KREMEN1: variants seen among roughly 807,000 people sequenced by gnomAD.
KREMEN1 encodes the protein kremen protein 1.
KREMEN1 carries 30 observed loss-of-function variants against 46.5 expected under a neutral mutation model. The observed-to-expected ratio is 0.65, with a 90% CI of 0.48 to 0.88. The LOEUF is 0.88. Ranked by LOEUF, KREMEN1 falls within the 40% of genes least tolerant of loss-of-function variation. The probability of loss-of-function intolerance (pLI) is 0.00; values close to 1 mark genes in which losing one functional copy is unlikely to be tolerated. For synonymous variants in KREMEN1, 214 were observed against 230.6 expected (o/e 0.93, Z 0.65); for missense variants, 533 against 596.9 (o/e 0.89, Z 1.11).
At chr22:29,104,747 A>T (rs2038027170) in intron 3 of KREMEN1, among the ~76,000 whole-genome samples, 1 of 152,076 alleles carries the variant, frequency 6.6e-6, no homozygotes, top group South Asian at 2.1e-4. Context: ...TACAAAAATA[A>T]ACTGGGCGTG....
intron 1 of KREMEN1, 103 bp from the exon 2 acceptor site, chr22:29,094,155 C>G: frequency 2.2e-6 from 2 of 899,196 alleles, no homozygotes; most frequent in Non-Finnish European, 3.5e-6. Flanking sequence ...AAGACACTAT[C>G]CATTTCCAGC....
At chr22:29,094,572 T>A in intron 2 of KREMEN1, 152 bp downstream of exon 2, 2 of 254,296 alleles carry the variant, frequency 7.9e-6, no homozygotes, top group Non-Finnish European at 7.3e-6. Flanking sequence ...TTTCACACCT[T>A]ACACACACAC....
At chr22:29,087,479 G>A (rs1235140857) in intron 1 of KREMEN1, among the ~76,000 whole-genome samples, 2 of 152,162 alleles carry the variant, frequency 1.3e-5, no homozygotes. Context: ...TTTATAGAGA[G>A]CATATTCTTC....
chr22:29,158,542 A>G (rs132295), intron 9 of KREMEN1, among the ~76,000 whole-genome samples: 130,760 of 152,220 alleles, frequency 0.86, 57,474 homozygotes, highest in East Asian at 1. Context: ...AGTCACACAG[A>G]GCCCATCCTC....
intron 9 of KREMEN1, among the ~76,000 whole-genome samples, chr22:29,159,699 G>T (rs2038994047): frequency 1.3e-5 from 2 of 152,230 alleles, no homozygotes; most frequent in Non-Finnish European, 2.9e-5. Flanking sequence ...TTGCTAAGGA[G>T]CAAGACTGGT....
chr22:29,106,483 C>T (rs1184582436), intron 3 of KREMEN1, among the ~76,000 whole-genome samples: 9 of 151,962 alleles, frequency 5.9e-5, no homozygotes, highest in Non-Finnish European at 2.9e-5. Flanking sequence ...CCCGCCTCGG[C>T]CTCCCAACAC....
At chr22:29,092,676 T>C (rs1338082597) in intron 1 of KREMEN1, among the ~76,000 whole-genome samples, 4 of 152,160 alleles carry the variant, frequency 2.6e-5, no homozygotes, top group African/African-American at 9.7e-5. Flanking sequence ...GCACCAAACA[T>C]GATAAATTGT....
Position 29,094,382 on chromosome 22 carries a change from C to T in KREMEN1, c.222C>T (p.Pro74=). The T allele has an allele frequency of 6.2e-7, 1 of 1,613,794 alleles. No individual in the cohort carries two copies. The highest frequency in any genetic ancestry group is 1.1e-5 in the South Asian group (1 of 91,026). ...ATCCATACAACACTCTGAAATACCCCAACGGGGAGGGGGGCCTGGGTGAGC... is the reference window on the plus strand; with the variant it reads ...ATCCATACAACACTCTGAAATACCCTAACGGGGAGGGGGGCCTGGGTGAGC... The part of the protein sequence containing the change: ...FQHPYNTLKY[P]NGEGGLGEHN... Residue 74 remains proline, a synonymous_variant, in exon 2 of 9, where the codon CCC becomes CCT. Coordinates refer to ENST00000400335, the MANE Select transcript of KREMEN1 (RefSeq NM_001039570.3).
intron 5 of KREMEN1, among the ~76,000 whole-genome samples, chr22:29,128,981 C>T (rs1255203524): frequency 6.6e-6 from 1 of 152,144 alleles, no homozygotes; most frequent in Non-Finnish European, 1.5e-5. Flanking sequence ...CACATTGGCC[C>T]CTTGTGCAGC....
chr22:29,146,377 C>A lies in KREMEN1; in HGVS notation c.*4265C>A. On this transcript the variant is annotated 3_prime_UTR_variant, in exon 9 of 9. Coordinates refer to ENST00000400335, the MANE Select transcript of KREMEN1 (RefSeq NM_001039570.3). ...GCCTGCAGACCCCTGGTGGGCACAT[C>A]TCACAGGCTTCCGTCTTGCTGAGTT... The A allele has an allele frequency of 1.0e-6, 1 of 985,888 alleles. No individual in the cohort carries two copies. The highest frequency in any genetic ancestry group is 1.2e-6 in the Non-Finnish European group (1 of 829,972). 61.1% of individuals were successfully genotyped at this position (985,888 alleles called of 1,614,324 possible).
At chr22:29,156,137 A>G (rs1222659022) in intron 9 of KREMEN1, among the ~76,000 whole-genome samples, 1 of 152,206 alleles carries the variant, frequency 6.6e-6, no homozygotes, top group Non-Finnish European at 1.5e-5. Context: ...GGGCCTGGCC[A>G]ATGCCCTGGA....
intron 3 of KREMEN1, among the ~76,000 whole-genome samples, chr22:29,113,872 A>G (rs1045922958): frequency 9.2e-5 from 14 of 152,212 alleles, no homozygotes; most frequent in African/African-American, 3.1e-4. Context: ...TACGGTTCTT[A>G]TAAGCTCCAC....
intron 9 of KREMEN1, chr22:29,154,374 G>A (rs2038943183): frequency 6.6e-6 from 1 of 152,130 alleles, no homozygotes; most frequent in Admixed American, 6.5e-5. Context: ...CTTTTCTGCC[G>A]ACTCCCTGCC....
chr22:29,145,408 C>T lies in KREMEN1; in HGVS notation c.*3296C>T, dbSNP rs546729127. 4.1e-6 allele frequency: 4 copies of T among 985,486 alleles called. No individual in the cohort carries two copies. The highest frequency in any genetic ancestry group is 1.1e-4 in the East Asian group (1 of 8,818). The allele number at this position is 985,486 out of a possible 1,614,324, so 61.0% of individuals were successfully genotyped here. On this transcript the variant is annotated 3_prime_UTR_variant, in exon 9 of 9. Transcript: ENST00000400335. ...CAAAGCCCCTCCTGAGGTGACAGAG[C>T]GTGGGAGGAGGCTGCACTGGGCCTG...
intron 9 of KREMEN1, among the ~76,000 whole-genome samples, chr22:29,161,467 A>G (rs999270058): frequency 1.5e-5 from 2 of 131,392 alleles, no homozygotes; most frequent in Non-Finnish European, 3.1e-5. Flanking sequence ...AGATTGCGCC[A>G]CTGCACTCCA....
At chr22:29,128,814 G>T (rs182442769) in intron 5 of KREMEN1, among the ~76,000 whole-genome samples, 1 of 152,324 alleles carries the variant, frequency 6.6e-6, no homozygotes, top group Non-Finnish European at 1.5e-5. Context: ...AAGTGCCAGA[G>T]CCAGGATTCA....
At chr22:29,079,133 G>A (rs181309897) in intron 1 of KREMEN1, among the ~76,000 whole-genome samples, 122 of 152,254 alleles carry the variant, frequency 8.0e-4, no homozygotes, top group African/African-American at 2.8e-3. Context: ...AGAGGCCATC[G>A]CAAAAAAATG....
In KREMEN1 at chr22:29,144,262, C is replaced by T; in HGVS notation, c.*2150C>T. 1 of 985,610 alleles carries T rather than the reference C, an allele frequency of 1.0e-6. No homozygotes were observed. The highest frequency in any genetic ancestry group is 1.2e-6 in the Non-Finnish European group (1 of 830,060). The allele number at this position is 985,610 out of a possible 1,614,324, so 61.1% of individuals were successfully genotyped here. A position where few individuals can be genotyped will look rare whatever the true frequency, so the allele number is the denominator to read the frequency against. On this transcript the variant is annotated 3_prime_UTR_variant, in exon 9 of 9. Coordinates refer to ENST00000400335, the MANE Select transcript of KREMEN1 (RefSeq NM_001039570.3). ...TGGAAACACCTCTGCACCTGCCGCCCCTGGGAGGAAAGAGGGCCACACAGG... is the reference window on the plus strand; with the variant it reads ...TGGAAACACCTCTGCACCTGCCGCCTCTGGGAGGAAAGAGGGCCACACAGG...
At chr22:29,124,078 A>G (rs911327223) in intron 4 of KREMEN1, among the ~76,000 whole-genome samples, 4 of 152,104 alleles carry the variant, frequency 2.6e-5, no homozygotes, top group African/African-American at 9.7e-5. Context: ...CCTAGTTATT[A>G]CCCTAGAGAC....
Sources: gnomAD v4.1 joint callset for allele counts (sites outside exome capture counted in the v4.1 genomes callset) on GRCh38, gnomAD v4.1.1 for gene constraint, MANE v1.5 for transcripts, NCBI Gene and HGNC (gene_info 2026-07-23, HGNC 2026-07-21) for gene names.